Variants in XXYLT1 observed in about 807,000 individuals in gnomAD.
The protein encoded by XXYLT1 is UDP-xylose:alpha-xyloside alpha-1,3-xylosyltransferase.
Under a neutral mutation model 28.9 loss-of-function variants are expected in XXYLT1, and 20 were observed. The observed-to-expected ratio is 0.69, with a 90% CI of 0.49 to 1.00. XXYLT1 has a LOEUF of 1.00. Ranked by LOEUF, XXYLT1 falls within the 50% of genes least tolerant of loss-of-function variation. The pLI, the probability that XXYLT1 is intolerant of heterozygous loss-of-function variation, is 0.00. For synonymous variants in XXYLT1, 257 were observed against 253.8 expected (o/e 1.01, Z -0.12); for missense variants, 542 against 560.1 (o/e 0.97, Z 0.33).
rs1261016421 is a variant in XXYLT1 at position 195,156,565 on chromosome 3, A to G, written c.669T>C (p.Ile223=). ...QIMPKEILQI[I]QLDLDLKFKT... Reference sequence around the variant, plus strand: ...TAAACTTCAGGTCTAGGTCCAGCTGAATGATCTGCAGGATCTCTGCGGGAA... The same window carrying G: ...TAAACTTCAGGTCTAGGTCCAGCTGGATGATCTGCAGGATCTCTGCGGGAA... The change falls in exon 3 of 4, where the codon ATT becomes ATC. Residue 223 remains isoleucine (I), a synonymous_variant. Coordinates refer to ENST00000310380, the MANE Select transcript of XXYLT1 (RefSeq NM_152531.5). 5.6e-6 allele frequency: 9 copies of G among 1,614,196 alleles called. No individual in the cohort carries two copies. The highest frequency in any genetic ancestry group is 7.6e-6 in the Non-Finnish European group (9 of 1,180,020).
intron 3 of XXYLT1, among the ~76,000 whole-genome samples, chr3:195,139,600 G>A (rs1464925808): frequency 6.6e-6 from 1 of 152,120 alleles, no homozygotes; most frequent in Admixed American, 6.5e-5. Context: ...TTCAGAGCCT[G>A]GCCCTTAGCA....
chr3:195,175,714 G>A (rs1239455015), intron 2 of XXYLT1: 3 of 1,535,978 alleles, frequency 2.0e-6, no homozygotes, highest in Non-Finnish European at 2.6e-6. Context: ...GAAGTGCTGT[G>A]TGCAACTCTG....
At chr3:195,250,628 C>T (rs1407750222) in intron 1 of XXYLT1, among the ~76,000 whole-genome samples, 16 of 151,500 alleles carry the variant, frequency 1.1e-4, no homozygotes, top group African/African-American at 3.4e-4. Context: ...TGCTGACACA[C>T]GGTATAATGT....
intron 2 of XXYLT1, among the ~76,000 whole-genome samples, chr3:195,164,654 T>A (rs1398003524): frequency 6.6e-6 from 1 of 152,228 alleles, no homozygotes; most frequent in Non-Finnish European, 1.5e-5. Flanking sequence ...CCCAGAGAGT[T>A]CTGTGAGCAG....
In XXYLT1 at chr3:195,117,419, G is replaced by A. The variant is rs1040859000; in HGVS notation, c.785+39030C>T. Reference sequence around the variant, plus strand: ...AGGGATTTTTCTATGAAGTACTGATGAGCAAGAAAAGCAACATGCAGTAAA... The same window carrying A: ...AGGGATTTTTCTATGAAGTACTGATAAGCAAGAAAAGCAACATGCAGTAAA... On this transcript the variant is annotated intron_variant, in intron 3 of 3. Coordinates refer to ENST00000310380, the MANE Select transcript of XXYLT1 (RefSeq NM_152531.5). Among the ~76,000 whole-genome samples, 12 of 152,276 alleles carry A rather than the reference G, an allele frequency of 7.9e-5. 1 individual carries two copies. Among genetic ancestry groups the A allele is most frequent in the Middle Eastern group, 6.8e-3 (2 of 294 alleles).
intron 2 of XXYLT1, among the ~76,000 whole-genome samples, chr3:195,182,901 C>T (rs1309152577): frequency 1.3e-5 from 2 of 152,142 alleles, no homozygotes; most frequent in East Asian, 1.9e-4. Flanking sequence ...CCTGTACTAA[C>T]GTATGTACCA....
At chr3:195,156,395 G>C in intron 3 of XXYLT1, 54 bp downstream of exon 3, 2 of 1,592,336 alleles carry the variant, frequency 1.3e-6, no homozygotes, top group Non-Finnish European at 1.7e-6. Context: ...AGAAGAGAGA[G>C]GGTGAAGGGT....
At position 195,175,569 on chromosome 3, in the gene XXYLT1, C is replaced by G. The variant is rs78036120; in HGVS notation, c.653-18988G>C. 6.9e-4 allele frequency: 1,065 copies of G among 1,535,096 alleles called. 3 individuals are homozygous for G. The Middle Eastern group carries it at 8.0e-3, about 12-fold the overall frequency. ...TCCTAGGGGTAGTTAGGACACAGGT[C>G]TGGGTGTTTCAGAAGCAGGTCTCAG... On this transcript the variant is annotated intron_variant, in intron 2 of 3. Coordinates refer to ENST00000310380, the MANE Select transcript of XXYLT1 (RefSeq NM_152531.5).
chr3:195,116,199 T>G (rs1188609725), intron 3 of XXYLT1, among the ~76,000 whole-genome samples: 1 of 152,220 alleles, frequency 6.6e-6, no homozygotes, highest in African/African-American at 2.4e-5. Context: ...CGGTGGAATC[T>G]GCACCATGCT....
At chr3:195,087,878 AG>A (rs1227952431) in intron 3 of XXYLT1, among the ~76,000 whole-genome samples, 1 of 151,914 alleles carries the variant, frequency 6.6e-6, no homozygotes. Flanking sequence ...GGGAAGCGCA[AG>A]GGGTCAGGGA....
In XXYLT1 at chr3:195,168,111, G is replaced by C. The variant is rs1257615126; in HGVS notation, c.653-11530C>G. ...CGTGAGTAGGTAGGGCCCTGGGATA[G>C]AGCCGTGGCTCACCGGCCTGGCTAT... On this transcript the variant is annotated intron_variant, in intron 2 of 3. Coordinates refer to ENST00000310380, the MANE Select transcript of XXYLT1 (RefSeq NM_152531.5). The surrounding 1 kb of genome is among the most constrained non-coding windows in gnomAD (Gnocchi z 4.3). 6.6e-6 allele frequency among the ~76,000 whole-genome samples: 1 copy of C among 152,176 alleles called. No homozygotes were observed. Among genetic ancestry groups the C allele is most frequent in the Non-Finnish European group, 1.5e-5 (1 of 68,036 alleles).
At chr3:195,099,394 G>C (rs1716639809) in intron 3 of XXYLT1, among the ~76,000 whole-genome samples, 1 of 151,994 alleles carries the variant, frequency 6.6e-6, no homozygotes, top group East Asian at 1.9e-4. Context: ...TCCCAAACCA[G>C]CACCACCATC....
chr3:195,186,357 T>C (rs981300033), intron 2 of XXYLT1, among the ~76,000 whole-genome samples: 1 of 152,172 alleles, frequency 6.6e-6, no homozygotes, highest in African/African-American at 2.4e-5. Context: ...CCACCAGTGG[T>C]TGCAAATCCC....
chr3:195,077,356 C>T lies in XXYLT1; in HGVS notation c.786-7245G>A, dbSNP rs113897014. ...CATGGATGGAATGGGGAAGATGCCC[C>T]CACTGGGCTGGTCCGGGACTCTGCG... is the stretch of plus-strand genomic sequence containing the variant. On this transcript the variant is annotated intron_variant, in intron 3 of 3. Coordinates refer to ENST00000310380, the MANE Select transcript of XXYLT1 (RefSeq NM_152531.5). This position sits in a 1 kb window ranked among gnomAD's most constrained non-coding sequence, Gnocchi z 4.8. Among the ~76,000 whole-genome samples, 18 of 152,332 alleles carry T rather than the reference C, an allele frequency of 1.2e-4. No individual in the cohort carries two copies. Among genetic ancestry groups the T allele is most frequent in the African/African-American group, 3.8e-4 (16 of 41,586 alleles).
At chr3:195,212,279 G>A (rs888176042) in intron 2 of XXYLT1, among the ~76,000 whole-genome samples, 5 of 152,350 alleles carry the variant, frequency 3.3e-5, no homozygotes, top group South Asian at 2.1e-4. Flanking sequence ...TGCTGGATCC[G>A]ATGGGATCGG....
intron 3 of XXYLT1, among the ~76,000 whole-genome samples, chr3:195,107,263 C>T (rs1379623344): frequency 1.3e-4 from 19 of 151,694 alleles, no homozygotes; most frequent in African/African-American, 4.8e-5. Context: ...CACCTGAGGT[C>T]GGGAGTTCGA....
In XXYLT1 at chr3:195,150,881, C is replaced by T. The variant is rs767089200; in HGVS notation, c.785+5568G>A. On this transcript the variant is annotated intron_variant, in intron 3 of 3. Transcript: ENST00000310380. This position sits in a 1 kb window ranked among gnomAD's most constrained non-coding sequence, Gnocchi z 4.7. ...ACACACACACACACTCTCTCCCTCT[C>T]CCTCTCCCTCTCTCTCTCTCCATCA... Among the ~76,000 whole-genome samples the T allele has an allele frequency of 3.7e-5, 5 of 135,196 alleles. No individual in the cohort carries two copies. The highest frequency in any genetic ancestry group is 7.7e-5 in the Non-Finnish European group (5 of 65,224). The allele number at this position is 135,196 out of a possible 152,430, so 88.7% of individuals were successfully genotyped here.
chr3:195,090,039 G>A (rs1577013645), intron 3 of XXYLT1, among the ~76,000 whole-genome samples: 1 of 148,874 alleles, frequency 6.7e-6, no homozygotes, highest in Middle Eastern at 3.5e-3. Context: ...AGTCCTGAGT[G>A]ACCTACAAAG....
intron 1 of XXYLT1, among the ~76,000 whole-genome samples, chr3:195,269,256 C>T (rs1174272346): frequency 6.6e-6 from 1 of 152,184 alleles, no homozygotes; most frequent in East Asian, 1.9e-4. Context: ...GGCCAAGGGC[C>T]CTCAGTTTTC....
Sources: allele counts gnomAD v4.1 joint callset (sites outside exome capture counted in the v4.1 genomes callset), GRCh38; gene constraint gnomAD v4.1.1; non-coding constraint Gnocchi (gnomAD v3.1); transcripts MANE v1.5; gene names NCBI Gene and HGNC (gene_info 2026-07-23, HGNC 2026-07-21).